The following FOXO3 variants were observed in gnomAD, a reference collection of about 807,000 sequenced individuals.
The protein encoded by FOXO3 is forkhead box O3, also known as forkhead box protein O3.
In FOXO3, 4 loss-of-function variants were observed where a neutral mutation model predicts 41.9. That is an observed-to-expected ratio of 0.10 (90% CI 0.05 to 0.22). The LOEUF (loss-of-function observed/expected upper bound fraction) is 0.22. Among genes scored for constraint, FOXO3 ranks in the 10% least tolerant of loss-of-function variants. The pLI is 1.00. For missense variants in FOXO3, 534 were observed against 906.8 expected (o/e 0.59, Z 5.28); for synonymous variants, 318 against 389.3 (o/e 0.82, Z 2.16).
intron 1 of FOXO3, among the ~76,000 whole-genome samples, chr6:108,575,854 A>G (rs1776246867): frequency 6.6e-6 from 1 of 152,128 alleles, no homozygotes; most frequent in Non-Finnish European, 1.5e-5. Flanking sequence ...GATAATTTTA[A>G]GTAAAAACTG....
intron 1 of FOXO3, among the ~76,000 whole-genome samples, chr6:108,571,245 T>C (rs1424310607): frequency 6.6e-6 from 1 of 152,198 alleles, no homozygotes; most frequent in Non-Finnish European, 1.5e-5. Context: ...AATTCAAAAA[T>C]GAATAGTCAT....
At chr6:108,563,941 GT>G (rs1775883647) in intron 1 of FOXO3, among the ~76,000 whole-genome samples, 1 of 150,354 alleles carries the variant, frequency 6.7e-6, no homozygotes, top group African/African-American at 2.4e-5. Flanking sequence ...TTATGTCATC[GT>G]TTTTTTGTCT....
At chr6:108,629,895 CA>C (rs1364038371) in intron 1 of FOXO3, among the ~76,000 whole-genome samples, 2 of 152,124 alleles carry the variant, frequency 1.3e-5, no homozygotes, top group Non-Finnish European at 2.9e-5. Flanking sequence ...GATTCAGATA[CA>C]TTTGCTTGGT....
At chr6:108,562,210 G>T (rs1234270899) in intron 1 of FOXO3, among the ~76,000 whole-genome samples, 1 of 152,108 alleles carries the variant, frequency 6.6e-6, no homozygotes, top group African/African-American at 2.4e-5. Context: ...CGCTGTGGCT[G>T]GAGTGAGAGG....
At chr6:108,650,817 T>C (rs1045524512) in intron 1 of FOXO3, among the ~76,000 whole-genome samples, 1 of 152,222 alleles carries the variant, frequency 6.6e-6, no homozygotes, top group Non-Finnish European at 1.5e-5. Context: ...AAATGTCCTT[T>C]CTTTATTTGA....
At chr6:108,636,487 TG>T (rs1320884161) in intron 1 of FOXO3, among the ~76,000 whole-genome samples, 1 of 152,020 alleles carries the variant, frequency 6.6e-6, no homozygotes, top group Non-Finnish European at 1.5e-5. Context: ...GGAACTGGGC[TG>T]GGGTGGGGGG....
chr6:108,608,070 T>TA (rs1777257494), intron 1 of FOXO3, among the ~76,000 whole-genome samples: 1 of 152,154 alleles, frequency 6.6e-6, no homozygotes, highest in South Asian at 2.1e-4. Flanking sequence ...CATATAATGG[T>TA]AGAGTTGAAA....
chr6:108,671,737 A>G (rs1405591942), intron 2 of FOXO3, among the ~76,000 whole-genome samples: 1 of 152,168 alleles, frequency 6.6e-6, no homozygotes, highest in Non-Finnish European at 1.5e-5. Flanking sequence ...TTCCTCAGTG[A>G]ACTAGATTCC....
At chr6:108,591,588 C>T (rs908555864) in intron 1 of FOXO3, among the ~76,000 whole-genome samples, 3 of 152,148 alleles carry the variant, frequency 2.0e-5, no homozygotes, top group Admixed American at 6.5e-5. Context: ...GGAAGCAGCA[C>T]GTGAAAATTT....
chr6:108,578,404 A>G (rs772910975), intron 1 of FOXO3, among the ~76,000 whole-genome samples: 1 of 152,214 alleles, frequency 6.6e-6, no homozygotes, highest in Non-Finnish European at 1.5e-5. Flanking sequence ...ATGGGGAAAA[A>G]ATATGGTGGT....
At chr6:108,632,207 TG>T (rs1777992509) in intron 1 of FOXO3, among the ~76,000 whole-genome samples, 1 of 152,320 alleles carries the variant, frequency 6.6e-6, no homozygotes, top group East Asian at 1.9e-4. Context: ...CTAGGCGCTA[TG>T]GGGTCTACAG....
At chr6:108,662,485 G>T (rs1778898166) in intron 1 of FOXO3, among the ~76,000 whole-genome samples, 1 of 152,154 alleles carries the variant, frequency 6.6e-6, no homozygotes, top group Non-Finnish European at 1.5e-5. Flanking sequence ...TTCTGAATGG[G>T]AGACTTGCCT....
intron 1 of FOXO3, among the ~76,000 whole-genome samples, chr6:108,567,697 G>A (rs770796549): frequency 2.0e-5 from 3 of 152,014 alleles, no homozygotes; most frequent in Admixed American, 6.5e-5. Flanking sequence ...ATTGCCTGAG[G>A]CCAGGAGTTT....
At chr6:108,678,777 T>G (rs1034110017) in intron 2 of FOXO3, among the ~76,000 whole-genome samples, 2 of 151,578 alleles carry the variant, frequency 1.3e-5, no homozygotes, top group Non-Finnish European at 2.9e-5. Context: ...CCTGTAGTCC[T>G]AGCTACTCAG....
At chr6:108,614,300 A>C (rs747008876) in intron 1 of FOXO3, among the ~76,000 whole-genome samples, 19 of 152,148 alleles carry the variant, frequency 1.2e-4, no homozygotes, top group Non-Finnish European at 2.4e-4. Flanking sequence ...GTAATTGTGG[A>C]TTTGTCTACT....
At chr6:108,665,502 T>G (rs1779024016) in intron 2 of FOXO3, among the ~76,000 whole-genome samples, 1 of 152,170 alleles carries the variant, frequency 6.6e-6, no homozygotes, top group Non-Finnish European at 1.5e-5. Flanking sequence ...GCATCTTTAT[T>G]AGCTAGCACT....
In FOXO3 at chr6:108,560,952, T is replaced by C. The variant is rs1775763767; in HGVS notation, c.-257T>C. On this transcript the variant is annotated 5_prime_UTR_variant, in exon 1 of 3. Transcript: ENST00000406360. ...GCGCCAGGTTCGCTGGCCGCACGTC[T>C]TCAGGTCCTCCTGTTCCTGGGAGGC... The C allele has an allele frequency of 5.3e-6, 7 of 1,318,540 alleles. No homozygotes were observed. Among genetic ancestry groups the C allele is most frequent in the Non-Finnish European group, 6.7e-6 (7 of 1,040,378 alleles). 81.7% of individuals were successfully genotyped at this position (1,318,540 alleles called of 1,614,324 possible).
At chr6:108,577,388 C>T (rs1027303353) in intron 1 of FOXO3, among the ~76,000 whole-genome samples, 3 of 152,160 alleles carry the variant, frequency 2.0e-5, no homozygotes, top group Non-Finnish European at 4.4e-5. Context: ...ACCTCGGTTT[C>T]ACTTGTCCTG....
intron 1 of FOXO3, among the ~76,000 whole-genome samples, chr6:108,660,593 G>A (rs903940326): frequency 2.0e-5 from 3 of 152,182 alleles, no homozygotes; most frequent in Admixed American, 6.5e-5. Flanking sequence ...TGGGCTGGGC[G>A]TGGTGGCTCA....
Sources: allele counts gnomAD v4.1 joint callset (sites outside exome capture counted in the v4.1 genomes callset), GRCh38; gene constraint gnomAD v4.1.1; transcripts MANE v1.5; gene names NCBI Gene and HGNC (gene_info 2026-07-23, HGNC 2026-07-21).